SLC44A5: variants seen among roughly 807,000 people sequenced by gnomAD.
SLC44A5 encodes the protein solute carrier family 44 member 5.
SLC44A5 carries 57 observed loss-of-function variants against 101.8 expected under a neutral mutation model. That is an observed-to-expected ratio of 0.56 (90% CI 0.45 to 0.70). The LOEUF is 0.70. SLC44A5 is among the 30% of genes least tolerant of loss of function. The pLI is 0.00. For missense variants in SLC44A5, 737 were observed against 853.1 expected (o/e 0.86, Z 1.70); for synonymous variants, 281 against 290.9 (o/e 0.97, Z 0.35).
chr1:75,303,467 C>T (rs1654662877), intron 4 of SLC44A5, among the ~76,000 whole-genome samples: 1 of 152,194 alleles, frequency 6.6e-6, no homozygotes, highest in Non-Finnish European at 1.5e-5. Context: ...AACTCCTGAC[C>T]TCGTGATCCA....
At chr1:75,398,774 G>C (rs1282904368) in intron 2 of SLC44A5, among the ~76,000 whole-genome samples, 4 of 152,224 alleles carry the variant, frequency 2.6e-5, no homozygotes, top group Non-Finnish European at 4.4e-5. Flanking sequence ...TTCTGTAACA[G>C]CTTATGTCTT....
At chr1:75,568,776 T>C (rs547827512) in intron 1 of SLC44A5, among the ~76,000 whole-genome samples, 2 of 152,198 alleles carry the variant, frequency 1.3e-5, no homozygotes, top group Non-Finnish European at 2.9e-5. Context: ...TAGAACATCC[T>C]AAAGCACAAC....
intron 2 of SLC44A5, among the ~76,000 whole-genome samples, chr1:75,465,288 G>A (rs1013815094): frequency 2.6e-5 from 4 of 152,094 alleles, no homozygotes; most frequent in Admixed American, 6.6e-5. Context: ...CTGGATATGG[G>A]TCAATGAAGA....
intron 2 of SLC44A5, among the ~76,000 whole-genome samples, chr1:75,515,558 T>A (rs1012993748): frequency 6.6e-6 from 1 of 152,256 alleles, no homozygotes; most frequent in Admixed American, 6.5e-5. Flanking sequence ...CTTATTTCAC[T>A]CAGCACGATG....
intron 14 of SLC44A5, among the ~76,000 whole-genome samples, chr1:75,221,595 A>G (rs1379457724): frequency 2.0e-5 from 3 of 152,238 alleles, no homozygotes; most frequent in Non-Finnish European, 4.4e-5. Flanking sequence ...TCACTCAGAC[A>G]GAAGTGGCAA....
intron 1 of SLC44A5, among the ~76,000 whole-genome samples, chr1:75,607,016 T>C (rs2102171028): frequency 6.6e-6 from 1 of 152,144 alleles, no homozygotes; most frequent in Admixed American, 6.6e-5. Flanking sequence ...CCACCAATGT[T>C]CTGATGAATT....
chr1:75,579,826 T>TATACACACACACACACAC (rs1553209307), intron 1 of SLC44A5, among the ~76,000 whole-genome samples: 1 of 149,960 alleles, frequency 6.7e-6, no homozygotes, highest in South Asian at 2.1e-4. Context: ...TTCAACTATC[T>TATACACACACACACACAC]ACACACACAC....
chr1:75,589,242 T>C lies in SLC44A5; in HGVS notation c.-70+21798A>G, dbSNP rs78815357. Among the ~76,000 whole-genome samples, 1,302 of 152,338 alleles carry C rather than the reference T, an allele frequency of 8.5e-3. 20 individuals are homozygous for C. Among genetic ancestry groups the C allele is most frequent in the African/African-American group, 0.03 (1,243 of 41,580 alleles). On this transcript the variant is annotated intron_variant, in intron 1 of 23. Coordinates refer to ENST00000370859, the MANE Select transcript of SLC44A5 (RefSeq NM_001130058.2). ...AAGCAGCATTGGACTAAAAGCCAGA[T>C]CTGAATTTTCATCTAGGCTTGCCAG...
At chr1:75,417,981 C>T (rs1414374830) in intron 2 of SLC44A5, among the ~76,000 whole-genome samples, 2 of 152,222 alleles carry the variant, frequency 1.3e-5, no homozygotes, top group Non-Finnish European at 2.9e-5. Context: ...ATTGTAGCAA[C>T]TAATAGTCAC....
chr1:75,416,863 A>G (rs1286362191), intron 2 of SLC44A5, among the ~76,000 whole-genome samples: 3 of 152,176 alleles, frequency 2.0e-5, no homozygotes, highest in Non-Finnish European at 4.4e-5. Flanking sequence ...CCCATTTGGA[A>G]TGACTGTATT....
chr1:75,411,095 T>C (rs1034483574), intron 2 of SLC44A5, among the ~76,000 whole-genome samples: 2 of 152,128 alleles, frequency 1.3e-5, no homozygotes, highest in Admixed American at 6.6e-5. Flanking sequence ...CATAATGATG[T>C]ACTTATTTTT....
At chr1:75,205,235 G>A (rs977791450) in intron 23 of SLC44A5, 1 of 152,104 alleles carries the variant, frequency 6.6e-6, no homozygotes. Flanking sequence ...TAATTAATAC[G>A]TATTTAGATC....
At chr1:75,244,777 T>C (rs1190840362) in intron 7 of SLC44A5, among the ~76,000 whole-genome samples, 1 of 152,096 alleles carries the variant, frequency 6.6e-6, no homozygotes. Context: ...TCAGAGGAGA[T>C]ACACTATTGG....
chr1:75,233,757 G>A (rs1163367597), intron 12 of SLC44A5, among the ~76,000 whole-genome samples: 6 of 151,994 alleles, frequency 3.9e-5, no homozygotes, highest in Non-Finnish European at 7.4e-5. Flanking sequence ...AGGCTGGTAG[G>A]GAAAAGAGTA....
At chr1:75,690,385 C>T in the SLC44A5 span, among the ~76,000 whole-genome samples, 1 of 152,074 alleles carries the variant, frequency 6.6e-6, no homozygotes. Context: ...CCAGGTCTCT[C>T]CTTTAACACA....
intron 2 of SLC44A5, among the ~76,000 whole-genome samples, chr1:75,472,128 T>C (rs546109417): frequency 6.6e-6 from 1 of 151,046 alleles, no homozygotes; most frequent in South Asian, 2.1e-4. Context: ...TTATTCTTCT[T>C]CTCTCAAGCC....
chr1:75,209,382 G>A (rs1646809772), intron 23 of SLC44A5, among the ~76,000 whole-genome samples: 1 of 152,190 alleles, frequency 6.6e-6, no homozygotes, highest in Non-Finnish European at 1.5e-5. Context: ...CATGGTTAAT[G>A]TTGGAGATGA....
intron 4 of SLC44A5, among the ~76,000 whole-genome samples, chr1:75,317,278 C>T (rs1286889199): frequency 6.6e-6 from 1 of 152,168 alleles, no homozygotes; most frequent in Non-Finnish European, 1.5e-5. Flanking sequence ...CGGACTTAGA[C>T]TTAAGAAGGA....
Position 75,316,148 on chromosome 1 carries a change from G to A in SLC44A5, c.102-15463C>T, listed in dbSNP as rs552426851. Among the ~76,000 whole-genome samples, 11 of 152,158 alleles carry A rather than the reference G, an allele frequency of 7.2e-5. No individual in the cohort carries two copies. In the South Asian group the frequency reaches 2.3e-3, roughly 32 times the overall value. On this transcript the variant is annotated intron_variant, in intron 4 of 23. Coordinates refer to ENST00000370859, the MANE Select transcript of SLC44A5 (RefSeq NM_001130058.2). Reference sequence around the variant, plus strand: ...AATAAAATCCAGATTTCTTAGTCTGGCCCTTGCTAAGCTGCTCAAAATTAC... The same window carrying A: ...AATAAAATCCAGATTTCTTAGTCTGACCCTTGCTAAGCTGCTCAAAATTAC...
Sources: gnomAD v4.1 joint callset for allele counts (sites outside exome capture counted in the v4.1 genomes callset) on GRCh38, gnomAD v4.1.1 for gene constraint, MANE v1.5 for transcripts, NCBI Gene and HGNC (gene_info 2026-07-23, HGNC 2026-07-21) for gene names.